Variants in PAK4 observed in about 807,000 individuals in gnomAD.
PAK4 encodes the protein p21 (RAC1) activated kinase 4.
A neutral mutation model predicts 53.5 loss-of-function variants in PAK4; 49 were observed. The observed-to-expected ratio is 0.92, with a 90% confidence interval of 0.73 to 1.16. PAK4 has a LOEUF of 1.16. PAK4 is among the 50% of genes most tolerant of loss of function. The pLI is 0.00. For missense variants in PAK4, 824 were observed against 850.7 expected (o/e 0.97, Z 0.39); for synonymous variants, 376 against 375.6 (o/e 1.00, Z -0.01).
At chr19:39,164,413 C>A (rs141679017) in intron 1 of PAK4, among the ~76,000 whole-genome samples, 1 of 151,906 alleles carries the variant, frequency 6.6e-6, no homozygotes. Context: ...TGAGCACAGG[C>A]GGGCCTGGGA....
At chr19:39,165,556 T>TAA (rs761595959) in intron 1 of PAK4, among the ~76,000 whole-genome samples, 10,127 of 123,338 alleles carry the variant, frequency 0.082, 445 homozygotes, top group Non-Finnish European at 0.11. Context: ...ATAAATAAAA[T>TAA]AATAATAGAC....
chr19:39,129,951 A>G (rs914025685), intron 1 of PAK4, among the ~76,000 whole-genome samples: 1 of 152,142 alleles, frequency 6.6e-6, no homozygotes, highest in Admixed American at 6.5e-5. Flanking sequence ...TGTTGGTCCC[A>G]GTGGTAACCA....
At chr19:39,148,501 G>A (rs1321689070) in intron 1 of PAK4, among the ~76,000 whole-genome samples, 38 of 47,728 alleles carry the variant, frequency 8.0e-4, no homozygotes, top group East Asian at 2.2e-3. Context: ...AGAGAGTCTC[G>A]CTCTGTTGCC....
intron 1 of PAK4, among the ~76,000 whole-genome samples, chr19:39,127,036 G>T (rs146211688): frequency 5.9e-5 from 9 of 152,194 alleles, no homozygotes; most frequent in Admixed American, 5.9e-4. Context: ...GGATCGGATT[G>T]TCTGCTTGGT....
chr19:39,156,242 A>G (rs2074178364), intron 1 of PAK4, among the ~76,000 whole-genome samples: 1 of 152,102 alleles, frequency 6.6e-6, no homozygotes, highest in South Asian at 2.1e-4. Context: ...AGCAAGTTCC[A>G]GCTCTCCAGT....
intron 1 of PAK4, among the ~76,000 whole-genome samples, chr19:39,152,911 A>C (rs1490276458): frequency 2.0e-5 from 3 of 151,994 alleles, no homozygotes; most frequent in African/African-American, 4.8e-5. Context: ...AAGGACTGAA[A>C]ATTTACTATG....
chr19:39,175,211 G>C lies in PAK4; in HGVS notation c.1233-101G>C. On this transcript the variant is annotated intron_variant, in intron 5 of 8. Coordinates refer to ENST00000358301, the Ensembl canonical transcript of PAK4. The surrounding 1 kb of genome is among the most constrained non-coding windows in gnomAD (Gnocchi z 4.7). ...ATTCCTCCCACTCCAGAGTGGGGTCGAGTGGTCTCAGATTCCTCCCACTGC... is the reference window on the plus strand; with the variant it reads ...ATTCCTCCCACTCCAGAGTGGGGTCCAGTGGTCTCAGATTCCTCCCACTGC... 1 of 1,471,840 alleles carries C rather than the reference G, an allele frequency of 6.8e-7. No individual in the cohort carries two copies. Among genetic ancestry groups the C allele is most frequent in the Non-Finnish European group, 9.2e-7 (1 of 1,083,632 alleles). 91.2% of individuals were successfully genotyped at this position (1,471,840 alleles called of 1,614,324 possible).
At chr19:39,164,437 G>A (rs1016839579) in intron 1 of PAK4, among the ~76,000 whole-genome samples, 2 of 152,160 alleles carry the variant, frequency 1.3e-5, no homozygotes, top group East Asian at 3.9e-4. Flanking sequence ...CAGGGAAGGT[G>A]GGAGATCAGT....
rs763460063 is a variant in PAK4, at chr19:39,175,111, T to A, written c.1232+47T>A. 2 of 1,570,770 alleles carry A rather than the reference T, an allele frequency of 1.3e-6. No individual in the cohort carries two copies. Among genetic ancestry groups the A allele is most frequent in the Non-Finnish European group, 1.7e-6 (2 of 1,156,990 alleles). ...CCTCCTGTGACACGACCAAGTCCCC[T>A]CCAGACCACTAGGGGTGGGGCCACA... On this transcript the variant is annotated intron_variant, in intron 5 of 8. Coordinates refer to ENST00000358301, the Ensembl canonical transcript of PAK4. This position sits in a 1 kb window ranked among gnomAD's most constrained non-coding sequence, Gnocchi z 4.7.
chr19:39,161,859 C>T lies in PAK4; in HGVS notation c.-22-7673C>T, dbSNP rs1470848840. On this transcript the variant is annotated intron_variant, in intron 1 of 8. Coordinates refer to ENST00000358301, the Ensembl canonical transcript of PAK4. The surrounding 1 kb of genome is among the most constrained non-coding windows in gnomAD (Gnocchi z 4.5). ...CCTTCCTCCTGGGCTGCCCTTCCTC[C>T]AGAGCCCTACATGGCTCCCTCTCCC... 6.6e-6 allele frequency among the ~76,000 whole-genome samples: 1 copy of T among 152,114 alleles called. No individual in the cohort carries two copies. The highest frequency in any genetic ancestry group is 2.4e-5 in the African/African-American group (1 of 41,426).
chr19:39,161,449 C>T lies in PAK4; in HGVS notation c.-22-8083C>T, dbSNP rs991582822. 6.6e-6 allele frequency among the ~76,000 whole-genome samples: 1 copy of T among 152,154 alleles called. No individual in the cohort carries two copies. Among genetic ancestry groups the T allele is most frequent in the Non-Finnish European group, 1.5e-5 (1 of 68,002 alleles). On this transcript the variant is annotated intron_variant, in intron 1 of 8. Transcript: ENST00000358301. This position sits in a 1 kb window ranked among gnomAD's most constrained non-coding sequence, Gnocchi z 4.5. ...CCCTCGGCCAGTCCTGCCACCTCCA[C>T]CTTTACAGTGTGCCCAGAACCTGCT... is the stretch of plus-strand genomic sequence containing the variant.
chr19:39,155,805 A>G (rs539270617), intron 1 of PAK4, among the ~76,000 whole-genome samples: 2 of 152,268 alleles, frequency 1.3e-5, no homozygotes, highest in South Asian at 4.2e-4. Context: ...TCCGCGCCTC[A>G]GTTTCCTCCA....
intron 8 of PAK4, 126 bp downstream of exon 9, chr19:39,177,935 GC>G (rs2074641867): frequency 6.3e-6 from 7 of 1,108,740 alleles, no homozygotes; most frequent in Admixed American, 2.8e-5. Context: ...TGTGTGCTGG[GC>G]CCCCCACCCC....
rs1178910401 is a variant in PAK4, at chr19:39,174,022, G to A, written c.1098+12G>A. The A allele has an allele frequency of 6.5e-7, 1 of 1,540,334 alleles. No individual in the cohort carries two copies. The highest frequency in any genetic ancestry group is 1.2e-5 in the South Asian group (1 of 84,222). Reference sequence around the variant, plus strand: ...TGCTCTTCAACGAGGTGCGGGCGCTGCTGCCCTGCCGCCCTGCTGGTCCTC... The same window carrying A: ...TGCTCTTCAACGAGGTGCGGGCGCTACTGCCCTGCCGCCCTGCTGGTCCTC... On this transcript the variant is annotated intron_variant, in intron 4 of 8. Coordinates refer to ENST00000358301, the Ensembl canonical transcript of PAK4.
In PAK4 at chr19:39,173,803, G is replaced by A. The variant is rs2074542808; in HGVS notation, c.891G>A (p.Gln297=). 2 of 1,610,674 alleles carry A rather than the reference G, an allele frequency of 1.2e-6. No homozygotes were observed. Among genetic ancestry groups the A allele is most frequent in the Non-Finnish European group, 1.7e-6 (2 of 1,179,340 alleles). ...CCCGCTCACCACAGCGGGAGCCACA[G>A]CGAGTATCCCATGAGCAGTTCCGGG... is the stretch of plus-strand genomic sequence containing the variant. Residue 297 remains glutamine, a synonymous_variant, in exon 4 of 9, where the codon CAG becomes CAA. Transcript: ENST00000358301. The surrounding 1 kb of genome is among the most constrained non-coding windows in gnomAD (Gnocchi z 6.9).
intron 1 of PAK4, among the ~76,000 whole-genome samples, chr19:39,133,779 G>A (rs888861721): frequency 1.3e-5 from 2 of 152,150 alleles, no homozygotes; most frequent in Non-Finnish European, 2.9e-5. Flanking sequence ...AAGCAGCATT[G>A]TGCAGCGGTT....
Position 39,173,805 on chromosome 19 carries a change from G to A in PAK4, c.893G>A (p.Arg298Gln), listed in dbSNP as rs774915460. The A allele has an allele frequency of 1.9e-5, 30 of 1,610,732 alleles. No homozygotes were observed. In the South Asian group the frequency reaches 2.6e-4, roughly 14 times the overall value. ...CGCTCACCACAGCGGGAGCCACAGC[G>A]AGTATCCCATGAGCAGTTCCGGGCT... Residue 298 changes from arginine to glutamine, a missense_variant, in exon 4 of 9, where the codon CGA becomes CAA. This residue lies in a region of PAK4 where 346 missense variants were observed against 415.0 expected (regional missense o/e 0.83). Coordinates refer to ENST00000358301, the Ensembl canonical transcript of PAK4. The surrounding 1 kb of genome is among the most constrained non-coding windows in gnomAD (Gnocchi z 6.9).
In PAK4 at chr19:39,167,149, C is replaced by T. The variant is rs915511741; in HGVS notation, c.-22-2383C>T. 1.4e-4 allele frequency among the ~76,000 whole-genome samples: 22 copies of T among 152,346 alleles called. No homozygotes were observed. In the Middle Eastern group the frequency reaches 0.014, roughly 94 times the overall value. On this transcript the variant is annotated intron_variant, in intron 1 of 8. Transcript: ENST00000358301. ...AGGGTCTGCCCCGCTGTCCGCCCTC[C>T]GGGCTTAGTGAGGGGTCACATGGCT...
At chr19:39,154,858 C>T (rs2074150897) in intron 1 of PAK4, among the ~76,000 whole-genome samples, 1 of 151,402 alleles carries the variant, frequency 6.6e-6, no homozygotes, top group African/African-American at 2.4e-5. Context: ...GATCTAGGCC[C>T]CTAGACCTGC....
Sources: allele counts gnomAD v4.1 joint callset (sites outside exome capture counted in the v4.1 genomes callset), GRCh38; gene constraint gnomAD v4.1.1; regional missense constraint gnomAD v4.1.1; non-coding constraint Gnocchi (gnomAD v3.1); transcripts MANE v1.5; gene names NCBI Gene and HGNC (gene_info 2026-07-23, HGNC 2026-07-21).